The following VBP1 variants were observed in gnomAD, a reference collection of about 807,000 sequenced individuals.
The protein encoded by VBP1 is prefoldin subunit 3.
In VBP1, 4 loss-of-function variants were observed where a neutral mutation model predicts 15.5. The observed-to-expected ratio is 0.26, with a 90% CI of 0.13 to 0.59. VBP1 has a LOEUF of 0.59. Ranked by LOEUF, VBP1 falls within the 20% of genes least tolerant of loss-of-function variation. The pLI is 0.90. For missense variants in VBP1, 108 were observed against 139.6 expected, an observed-to-expected ratio of 0.77 and a Z score of 1.14; for synonymous variants, 61 against 52.1, an observed-to-expected ratio of 1.17 and a Z score of -0.74.
intron 2 of VBP1, among the ~76,000 whole-genome samples, chrX:155,223,405 C>T (rs1461656803): frequency 1.8e-5 from 2 of 109,002 alleles, no homozygotes; most frequent in South Asian, 4.1e-4. Context: ...TGACTCTTAA[C>T]GAGCATGCTG....
At chrX:155,203,659 A>C (rs1244954147) in intron 1 of VBP1, among the ~76,000 whole-genome samples, 1 of 107,266 alleles carries the variant, frequency 9.3e-6, no homozygotes, top group African/African-American at 3.4e-5. Context: ...ACCTAATGCT[A>C]AATGACGAGT....
At chrX:155,216,876 C>T (rs2074667531) in intron 1 of VBP1, among the ~76,000 whole-genome samples, 1 of 112,273 alleles carries the variant, frequency 8.9e-6, no homozygotes, top group Non-Finnish European at 1.9e-5. Context: ...CGGGCTGCCG[C>T]CGGTTTTCGT....
rs377343341 is a variant in VBP1 at position 155,227,327 on chromosome X, T to C, written c.285+26T>C. The C allele has an allele frequency of 2.9e-4, 312 of 1,072,699 alleles. No individual in the cohort carries two copies. In the African/African-American group the frequency reaches 5.5e-3, roughly 19 times the overall value. The allele number at this position is 1,072,699 out of a possible 1,213,427, so 88.4% of individuals were successfully genotyped here. The stretch of plus-strand genomic sequence containing the variant: ...GTAAGTGCATTTTTGTTTGTAAATA[T>C]GAGCAAGCTAGGATATGTCAGCAGA... On this transcript the variant is annotated intron_variant, in intron 3 of 5. Transcript: ENST00000286428.
chrX:155,198,416 C>T (rs1277707253), intron 1 of VBP1, among the ~76,000 whole-genome samples: 2 of 111,649 alleles, frequency 1.8e-5, no homozygotes, highest in Non-Finnish European at 3.8e-5. Flanking sequence ...GACAAAACTT[C>T]CAGAGGAATG....
intron 2 of VBP1, chrX:155,209,123 A>G (rs2074636181): frequency 1.8e-6 from 1 of 544,947 alleles, no homozygotes; most frequent in South Asian, 3.3e-5. Flanking sequence ...TAGTTCTAAC[A>G]TTTTCATCAT....
At chrX:155,221,334 AAAT>A (rs1332258264) in intron 2 of VBP1, among the ~76,000 whole-genome samples, 22 of 110,182 alleles carry the variant, frequency 2.0e-4, no homozygotes, top group African/African-American at 6.9e-4. Flanking sequence ...TCCATCTCAA[AAAT>A]AATAATAGTA....
intron 1 of VBP1, among the ~76,000 whole-genome samples, chrX:155,202,338 T>G: frequency 9.0e-6 from 1 of 110,729 alleles, no homozygotes; most frequent in African/African-American, 3.3e-5. Context: ...GGAGGCATCA[T>G]GCTACCTGAC....
chrX:155,204,787 T>C (rs1319217579), intron 1 of VBP1, among the ~76,000 whole-genome samples: 1 of 112,372 alleles, frequency 8.9e-6, no homozygotes, highest in East Asian at 2.8e-4. Flanking sequence ...TAGTTTAGGT[T>C]ACATTCTTGG....
intron 1 of VBP1, among the ~76,000 whole-genome samples, chrX:155,204,255 C>T (rs183652420): frequency 1.8e-5 from 2 of 111,120 alleles, no homozygotes; most frequent in African/African-American, 3.3e-5. Flanking sequence ...CGGGTTCAAG[C>T]GATTCTCTTG....
intron 1 of VBP1, among the ~76,000 whole-genome samples, chrX:155,202,653 C>T (rs1557307624): frequency 1.9e-5 from 2 of 107,230 alleles, no homozygotes; most frequent in East Asian, 5.8e-4. Flanking sequence ...ACCATAAAAA[C>T]CCTAGAAGAA....
intron 2 of VBP1, among the ~76,000 whole-genome samples, chrX:155,224,470 C>T (rs1004512052): frequency 3.9e-4 from 44 of 112,527 alleles, no homozygotes; most frequent in Non-Finnish European, 7.5e-4. Context: ...GGCGTGGTGG[C>T]GCGTGCCTGC....
At position 155,199,116 on chromosome X, in the gene VBP1, C is replaced by G. The variant is rs2074590887; in HGVS notation, c.-31+1977C>G. On this transcript the variant is annotated intron_variant, in intron 1 of 6. Coordinates refer to the VBP1 transcript ENST00000535916. ...AGAAATATGGGACTATGTGAAAAGA[C>G]CAAATCTACAACTGATTGGTGTACC... Among the ~76,000 whole-genome samples, 2 of 111,193 alleles carry G rather than the reference C, an allele frequency of 1.8e-5. 1 individual carries two copies. Among genetic ancestry groups the G allele is most frequent in the Non-Finnish European group, 3.8e-5 (2 of 52,798 alleles).
At chrX:155,214,748 G>GTTTTTT (rs57129959), upstream of VBP1, among the ~76,000 whole-genome samples, 1 of 12,733 alleles carries the variant, frequency 7.9e-5, no homozygotes, top group Admixed American at 1.5e-3. Context: ...CAAGAGGAAG[G>GTTTTTT]TTTTTTTTTT....
rs1393861686 is a variant in VBP1, at chrX:155,228,267, G to A, written c.286-117G>A. ...TTCATTTCTTTTACCACTACACTTA[G>A]CCTGCATGATGGTACTGTTTTAAAT... On this transcript the variant is annotated intron_variant, in intron 3 of 5. Transcript: ENST00000286428. 4 of 556,694 alleles carry A rather than the reference G, an allele frequency of 7.2e-6. No homozygotes were observed. In the African/African-American group the frequency reaches 9.4e-5, roughly 13 times the overall value. 45.9% of individuals were successfully genotyped at this position (556,694 alleles called of 1,213,427 possible).
At chrX:155,236,924 A>T (rs914106792) in intron 5 of VBP1, among the ~76,000 whole-genome samples, 10 of 112,464 alleles carry the variant, frequency 8.9e-5, no homozygotes, top group African/African-American at 3.2e-4. Context: ...TTTAGAAAAG[A>T]GTGGCAGTGC....
chrX:155,223,029 G>A (rs1038392586), intron 2 of VBP1, among the ~76,000 whole-genome samples: 35 of 107,418 alleles, frequency 3.3e-4, no homozygotes, highest in South Asian at 1.2e-3. Context: ...CTCCTATGAT[G>A]TCAGCTATGC....
At chrX:155,233,397 T>C (rs1434964786) in intron 4 of VBP1, among the ~76,000 whole-genome samples, 1 of 112,107 alleles carries the variant, frequency 8.9e-6, no homozygotes, top group Non-Finnish European at 1.9e-5. Flanking sequence ...AGCAGTGATA[T>C]GACTAGTCTT....
chrX:155,202,993 C>A (rs1423516533), intron 1 of VBP1, among the ~76,000 whole-genome samples: 16 of 111,153 alleles, frequency 1.4e-4, no homozygotes, highest in East Asian at 5.6e-4. Context: ...ATGCAGCCAA[C>A]AGACACATGA....
At chrX:155,201,132 A>G (rs1447098965) in intron 1 of VBP1, among the ~76,000 whole-genome samples, 17 of 110,747 alleles carry the variant, frequency 1.5e-4, no homozygotes, top group African/African-American at 4.6e-4. Flanking sequence ...CTTACCAACC[A>G]AAAAGAGTCC....
Sources: allele counts gnomAD v4.1 joint callset (sites outside exome capture counted in the v4.1 genomes callset), GRCh38; gene constraint gnomAD v4.1.1; transcripts MANE v1.5; gene names NCBI Gene and HGNC (gene_info 2026-07-23, HGNC 2026-07-21).